Variants in CSMD1 observed in about 807,000 individuals in gnomAD.
The protein encoded by CSMD1 is CUB and sushi domain-containing protein 1.
A neutral mutation model predicts 417.5 loss-of-function variants in CSMD1; 213 were observed. That is an observed-to-expected ratio of 0.51 (90% CI 0.46 to 0.57). The LOEUF (loss-of-function observed/expected upper bound fraction) is 0.57, where lower values mean the gene tolerates loss of function less well. Among genes scored for constraint, CSMD1 ranks in the 20% least tolerant of loss-of-function variants. The pLI is 0.00. For synonymous variants in CSMD1, 2,862 were observed against 1,736.8 expected, an observed-to-expected ratio of 1.65 and a Z score of -16.11; for missense variants, 6,923 against 4,529.7, an observed-to-expected ratio of 1.53 and a Z score of -15.17.
intron 4 of CSMD1, among the ~76,000 whole-genome samples, chr8:3,998,779 T>A (rs764053037): frequency 6.6e-6 from 1 of 151,740 alleles, no homozygotes; most frequent in Non-Finnish European, 1.5e-5. Context: ...AGGAAACAGA[T>A]CTTGGTAAGT....
intron 26 of CSMD1, among the ~76,000 whole-genome samples, chr8:3,236,814 C>T (rs996715071): frequency 2.3e-4 from 35 of 152,312 alleles, no homozygotes; most frequent in African/African-American, 7.5e-4. Flanking sequence ...AAAACATTTT[C>T]AGTTGCATCC....
chr8:3,992,652 G>T (rs184961973), intron 5 of CSMD1, among the ~76,000 whole-genome samples: 1 of 152,236 alleles, frequency 6.6e-6, no homozygotes, highest in South Asian at 2.1e-4. Flanking sequence ...CCAGGGTTCT[G>T]CACCTGTAGT....
intron 18 of CSMD1, among the ~76,000 whole-genome samples, chr8:3,369,693 A>G (rs1056312085): frequency 2.0e-5 from 3 of 152,226 alleles, no homozygotes; most frequent in Admixed American, 2.0e-4. Flanking sequence ...TCTTCTTAGC[A>G]GCACTTCATT....
intron 5 of CSMD1, among the ~76,000 whole-genome samples, chr8:3,803,097 C>T (rs1462153327): frequency 6.6e-6 from 1 of 152,152 alleles, no homozygotes; most frequent in Non-Finnish European, 1.5e-5. Context: ...TATCAAAATG[C>T]AGTGTTCTCT....
intron 10 of CSMD1, among the ~76,000 whole-genome samples, chr8:3,538,031 C>A (rs1324859759): frequency 6.6e-6 from 1 of 152,120 alleles, no homozygotes; most frequent in African/African-American, 2.4e-5. Context: ...TGTGGTAAAC[C>A]CTTTTATGCT....
chr8:4,309,564 G>A (rs760203163), intron 3 of CSMD1, among the ~76,000 whole-genome samples: 2 of 152,138 alleles, frequency 1.3e-5, no homozygotes, highest in South Asian at 4.2e-4. Flanking sequence ...ACATCAAGCA[G>A]CCAAACTCTC....
chr8:3,269,308 G>T (rs567097569), intron 26 of CSMD1, among the ~76,000 whole-genome samples: 9 of 152,320 alleles, frequency 5.9e-5, no homozygotes, highest in Admixed American at 2.6e-4. Context: ...GGAAGATGCC[G>T]AGAGCAGAGG....
At chr8:4,735,621 T>A (rs1207610082) in intron 1 of CSMD1, among the ~76,000 whole-genome samples, 1 of 152,144 alleles carries the variant, frequency 6.6e-6, no homozygotes, top group Non-Finnish European at 1.5e-5. Flanking sequence ...CTACTAGCAA[T>A]GATGATGAGA....
chr8:3,504,261 T>G (rs1238045724), intron 10 of CSMD1, among the ~76,000 whole-genome samples: 1 of 152,276 alleles, frequency 6.6e-6, no homozygotes, highest in East Asian at 1.9e-4. Context: ...AAAAAACATT[T>G]TTTTTAAGTG....
chr8:3,027,125 G>C (rs1292881284), intron 51 of CSMD1, among the ~76,000 whole-genome samples: 1 of 152,026 alleles, frequency 6.6e-6, no homozygotes. Context: ...TTTTTTAAAT[G>C]TTTAAAATAT....
At chr8:4,414,718 T>C (rs1434473563) in intron 3 of CSMD1, among the ~76,000 whole-genome samples, 2 of 152,208 alleles carry the variant, frequency 1.3e-5, no homozygotes, top group Admixed American at 1.3e-4. Context: ...TATGAACTAC[T>C]AGAAAAAGTT....
At chr8:3,608,669 C>T (rs1168854162) in intron 8 of CSMD1, among the ~76,000 whole-genome samples, 3 of 150,660 alleles carry the variant, frequency 2.0e-5, no homozygotes, top group East Asian at 2.0e-4. Context: ...GAGGCTGAGG[C>T]AGGAGAATTG....
intron 2 of CSMD1, among the ~76,000 whole-genome samples, chr8:4,495,552 G>A (rs182202932): frequency 1.3e-5 from 2 of 151,836 alleles, no homozygotes; most frequent in African/African-American, 4.8e-5. Flanking sequence ...TCTAGCCTGG[G>A]TGACAGAGCA....
At chr8:3,547,312 T>G (rs1006653730) in intron 10 of CSMD1, among the ~76,000 whole-genome samples, 3 of 152,270 alleles carry the variant, frequency 2.0e-5, no homozygotes, top group Non-Finnish European at 4.4e-5. Context: ...GAATGTGTGC[T>G]TATTTCAGTT....
At chr8:3,607,636 C>G (rs1801682700) in intron 8 of CSMD1, among the ~76,000 whole-genome samples, 1 of 152,180 alleles carries the variant, frequency 6.6e-6, no homozygotes, top group Non-Finnish European at 1.5e-5. Flanking sequence ...TAAGGGAAAA[C>G]CATCATATAT....
chr8:4,977,789 C>T (rs184753691), intron 1 of CSMD1, among the ~76,000 whole-genome samples: 1 of 152,356 alleles, frequency 6.6e-6, no homozygotes, highest in African/African-American at 2.4e-5. Flanking sequence ...AAGTGAAAGA[C>T]ATTTGGCATA....
intron 1 of CSMD1, among the ~76,000 whole-genome samples, chr8:4,724,627 G>A (rs1554458153): frequency 6.6e-6 from 1 of 151,048 alleles, no homozygotes; most frequent in Non-Finnish European, 1.5e-5. Flanking sequence ...ATATTATTTG[G>A]AAAAAATAAA....
intron 1 of CSMD1, among the ~76,000 whole-genome samples, chr8:4,643,782 G>A (rs1222167768): frequency 1.3e-5 from 2 of 152,146 alleles, no homozygotes; most frequent in East Asian, 3.9e-4. Flanking sequence ...CTGCATTATG[G>A]GGAAAATAAT....
chr8:3,586,278 A>C lies in CSMD1; in HGVS notation c.1098-18T>G. 2.3e-6 allele frequency: 1 copy of C among 440,914 alleles called. No individual in the cohort carries two copies. The highest frequency in any genetic ancestry group is 7.4e-5 in the East Asian group (1 of 13,522). 27.3% of individuals were successfully genotyped at this position (440,914 alleles called of 1,614,324 possible). A position where few individuals can be genotyped will look rare whatever the true frequency, so the allele number is the denominator to read the frequency against. On this transcript the variant is annotated intron_variant, in intron 8 of 69. Transcript: ENST00000635120. The stretch of plus-strand genomic sequence containing the variant: ...CACCAACCCTAAGCCGTTAAAAAAG[A>C]AAAAAAAAAACCCAAATTATTTACA...
Sources: allele counts gnomAD v4.1 joint callset (sites outside exome capture counted in the v4.1 genomes callset), GRCh38; gene constraint gnomAD v4.1.1; transcripts MANE v1.5; gene names NCBI Gene and HGNC (gene_info 2026-07-23, HGNC 2026-07-21).